The following MAN2A2 variants were observed in gnomAD, a reference collection of about 807,000 sequenced individuals.
The protein encoded by MAN2A2 is mannosidase alpha class 2A member 2, also known as alpha-mannosidase 2x.
A neutral mutation model predicts 126.8 loss-of-function variants in MAN2A2; 79 were observed. That is an observed-to-expected ratio of 0.62 (90% confidence interval 0.52 to 0.75). MAN2A2 has a LOEUF of 0.75. Among genes scored for constraint, MAN2A2 ranks in the 30% least tolerant of loss-of-function variants. The pLI is 0.00. For missense variants in MAN2A2, 1,392 were observed against 1,522.4 expected (o/e 0.91, Z 1.43); for synonymous variants, 671 against 618.7 (o/e 1.08, Z -1.25).
At chr15:90,903,856 C>T (rs1349561309) in intron 1 of MAN2A2, 1 of 379,408 alleles carries the variant, frequency 2.6e-6, no homozygotes, top group South Asian at 2.2e-5. Context: ...AAACTAGAAG[C>T]ACATGGCCGA....
At chr15:90,910,063 G>T (rs761522776) in intron 9 of MAN2A2, 27 bp from the exon 10 acceptor site, 1 of 1,594,376 alleles carries the variant, frequency 6.3e-7, no homozygotes. Flanking sequence ...TAGAACTGAT[G>T]GGAGTGGGTT....
chr15:90,915,105 G>T (rs1205414242), intron 19 of MAN2A2, among the ~76,000 whole-genome samples: 1 of 152,320 alleles, frequency 6.6e-6, no homozygotes, highest in East Asian at 1.9e-4. Flanking sequence ...GCCAGGAGCA[G>T]CCCCTGGTCC....
chr15:90,913,333 A>G lies in MAN2A2; in HGVS notation c.2645A>G (p.Lys882Arg). The G allele has an allele frequency of 6.2e-7, 1 of 1,613,436 alleles. No individual in the cohort carries two copies. The highest frequency in any genetic ancestry group is 1.7e-5 in the Admixed American group (1 of 60,006). ...SLVDIRDYVNKELALHIHTDI... is the reference protein window; with the variant it reads ...SLVDIRDYVNRELALHIHTDI... The stretch of plus-strand genomic sequence containing the variant: ...GTGGACATCCGGGACTACGTCAACA[A>G]GGAGCTGGCCCTGCACATCCATACA... Residue 882 changes from lysine (K) to arginine (R), a missense_variant, in exon 18 of 23, where the codon AAG (lysine) becomes AGG (arginine). Lys to Arg is a conservative substitution (Grantham distance 26, BLOSUM62 2). Transcript: ENST00000559717.
Position 90,919,791 on chromosome 15 carries a change from T to C in MAN2A2, c.*4T>C. ...CTTTCGCCTCCGCTTGGGTTAGGGC[T>C]TCTTGTGGCCTGAAGAGAAAGTTCA... On this transcript the variant is annotated 3_prime_UTR_variant, in exon 23 of 23. Transcript: ENST00000559717. The C allele has an allele frequency of 1.2e-6, 2 of 1,613,940 alleles. No homozygotes were observed. Among genetic ancestry groups the C allele is most frequent in the Non-Finnish European group, 8.5e-7 (1 of 1,179,900 alleles).
intron 8 of MAN2A2, among the ~76,000 whole-genome samples, chr15:90,908,871 C>T (rs1161880929): frequency 2.6e-5 from 4 of 152,162 alleles, no homozygotes; most frequent in Non-Finnish European, 4.4e-5. Context: ...CCACTGCGCT[C>T]GGCCCATTCA....
At chr15:90,906,300 T>G in intron 5 of MAN2A2, 70 bp from the exon 6 acceptor site, 6 of 1,596,062 alleles carry the variant, frequency 3.8e-6, no homozygotes, top group Non-Finnish European at 5.1e-6. Context: ...ACACAGGCCC[T>G]GACATTTGCT....
chr15:90,913,481 C>T, intron 18 of MAN2A2, 75 bp downstream of exon 18: 1 of 1,579,366 alleles, frequency 6.3e-7, no homozygotes, highest in East Asian at 2.2e-5. Context: ...GTCACAGGCC[C>T]TGGGGGATGA....
chr15:90,912,293 G>A lies in MAN2A2; in HGVS notation c.2346+14G>A, dbSNP rs887825624. The A allele has an allele frequency of 1.9e-6, 3 of 1,613,554 alleles. No homozygotes were observed. In the African/African-American group the frequency reaches 4.0e-5, roughly 22 times the overall value. On this transcript the variant is annotated intron_variant, in intron 15 of 22. Coordinates refer to ENST00000559717, the MANE Select transcript of MAN2A2 (RefSeq NM_006122.4). ...GGGCTCCTCAAGGTAAAAGGCCAGG[G>A]TGGTGGGGAAGGGCCAGGGGCCAGA...
chr15:90,910,970 C>A lies in MAN2A2; in HGVS notation c.1875+9C>A, dbSNP rs774738677. On this transcript the variant is annotated intron_variant, in intron 12 of 22. Coordinates refer to ENST00000559717, the MANE Select transcript of MAN2A2 (RefSeq NM_006122.4). Reference sequence around the variant, plus strand: ...CGCCCTTCCTCCAAGTGGTGAGCCCCTCCTGGGTCTGCATGGGGACCCTCT... The same window carrying A: ...CGCCCTTCCTCCAAGTGGTGAGCCCATCCTGGGTCTGCATGGGGACCCTCT... The A allele has an allele frequency of 1.2e-6, 2 of 1,609,390 alleles. No homozygotes were observed. Among genetic ancestry groups the A allele is most frequent in the Non-Finnish European group, 1.7e-6 (2 of 1,175,994 alleles).
chr15:90,906,630 A>G (rs1226401180), intron 6 of MAN2A2, 110 bp from the exon 7 acceptor site: 1 of 1,563,302 alleles, frequency 6.4e-7, no homozygotes, highest in Admixed American at 1.7e-5. Flanking sequence ...GTGTGATATC[A>G]TCTCTCCACT....
At chr15:90,918,565 GC>G in intron 21 of MAN2A2, 79 bp from the exon 22 acceptor site, 1 of 1,246,234 alleles carries the variant, frequency 8.0e-7, no homozygotes, top group African/African-American at 1.5e-5. Flanking sequence ...TGCCAGCACT[GC>G]CTCTGGGCAG....
In MAN2A2 at chr15:90,912,999, C is replaced by G. The variant is rs2034884526; in HGVS notation, c.2584+8C>G. 1 of 1,608,596 alleles carries G rather than the reference C, an allele frequency of 6.2e-7. No individual in the cohort carries two copies. Among genetic ancestry groups the G allele is most frequent in the East Asian group, 2.2e-5 (1 of 44,854 alleles). ...GGCTTTACAATCTGCCAGGTGAGCC[C>G]TGCATATGAGGAAGGGTCTGGAAGG... On this transcript the variant is annotated splice_region_variant and intron_variant, in intron 17 of 22. Transcript: ENST00000559717.
At chr15:90,903,264 G>A (rs1252053803), upstream of MAN2A2, 10 of 152,390 alleles carry the variant, frequency 6.6e-5, no homozygotes, top group African/African-American at 1.9e-4. Flanking sequence ...CAGTCTCTAA[G>A]GGCTGAAAAT....
Position 90,907,342 on chromosome 15 carries a change from T to G in MAN2A2, c.1043T>G (p.Met348Arg), listed in dbSNP as rs1296450234. The G allele has an allele frequency of 6.2e-7, 1 of 1,614,144 alleles. No individual in the cohort carries two copies. The highest frequency in any genetic ancestry group is 8.5e-7 in the Non-Finnish European group (1 of 1,179,980). The change falls in exon 8 of 23, where the codon ATG becomes AGG. Residue 348 changes from methionine to arginine, a missense_variant. Physicochemically the swap from Met to Arg is moderately conservative, Grantham distance 91. Transcript: ENST00000559717. ...SDSSTDIFCH[M>R]MPFYSYDVPH... ...TCCAGCACAGACATCTTCTGTCACA[T>G]GATGCCCTTCTACAGCTATGACGTC...
At position 90,911,167 on chromosome 15, in the gene MAN2A2, C is replaced by T; in HGVS notation, c.1876-4C>T. On this transcript the variant is annotated splice_polypyrimidine_tract_variant and splice_region_variant and intron_variant, in intron 12 of 22. Coordinates refer to ENST00000559717, the MANE Select transcript of MAN2A2 (RefSeq NM_006122.4). ...TTCTTCCCTTCCGGCTCACTGAATT[C>T]CAGGATGACACTCGCTTAAGTCACG... 6.2e-7 allele frequency: 1 copy of T among 1,613,952 alleles called. No homozygotes were observed. Among genetic ancestry groups the T allele is most frequent in the Non-Finnish European group, 8.5e-7 (1 of 1,179,956 alleles).
chr15:90,910,369 A>G, intron 10 of MAN2A2, 77 bp downstream of exon 10: 1 of 1,583,886 alleles, frequency 6.3e-7, no homozygotes, highest in South Asian at 1.1e-5. Flanking sequence ...GGATTGGCTC[A>G]GAAGGGAATA....
At chr15:90,916,566 G>A (rs2035201272) in intron 20 of MAN2A2, 2 of 1,377,370 alleles carry the variant, frequency 1.5e-6, no homozygotes, top group East Asian at 3.9e-5. Flanking sequence ...CTCATCTCAT[G>A]GCTTTCTTTG....
Position 90,912,072 on chromosome 15 carries a change from G to T in MAN2A2, c.2139G>T (p.Leu713=), listed in dbSNP as rs2034793815. The T allele has an allele frequency of 6.8e-6, 11 of 1,612,898 alleles. No homozygotes were observed. The highest frequency in any genetic ancestry group is 9.3e-6 in the Non-Finnish European group (11 of 1,179,840). The stretch of plus-strand genomic sequence containing the variant: ...CTGTGCCTGTCCGCCTGCCAGCCCT[G>T]GGCCTGGGCGTGCTGCAGCTACAGC... The part of the protein sequence containing the change: ...QVSVPVRLPA[L]GLGVLQLQLG... The change falls in exon 15 of 23, where the codon CTG becomes CTT. Residue 713 remains leucine (L), a synonymous_variant. Coordinates refer to ENST00000559717, the MANE Select transcript of MAN2A2 (RefSeq NM_006122.4).
Position 90,905,109 on chromosome 15 carries a change from G to A in MAN2A2, c.133-142G>A, listed in dbSNP as rs906920729. ...GCACAGCTCCCTTTATCTGAACGGT[G>A]TCATCTATCCCTCTAGGCTCATGGT... On this transcript the variant is annotated intron_variant, in intron 2 of 22. Coordinates refer to ENST00000559717, the MANE Select transcript of MAN2A2 (RefSeq NM_006122.4). 8 of 848,682 alleles carry A rather than the reference G, an allele frequency of 9.4e-6. No homozygotes were observed. The East Asian group carries it at 1.2e-4, about 13-fold the overall frequency. The allele number at this position is 848,682 out of a possible 1,614,324, so 52.6% of individuals were successfully genotyped here.
Sources: allele counts gnomAD v4.1 joint callset (sites outside exome capture counted in the v4.1 genomes callset), GRCh38; gene constraint gnomAD v4.1.1; transcripts MANE v1.5; gene names NCBI Gene and HGNC (gene_info 2026-07-23, HGNC 2026-07-21).